Variants in HIVEP3 observed in about 807,000 individuals in gnomAD.
HIVEP3 encodes the protein HIVEP zinc finger 3.
A neutral mutation model predicts 152.8 loss-of-function variants in HIVEP3; 49 were observed. That is an observed-to-expected ratio of 0.32 (90% CI 0.26 to 0.41). The LOEUF (loss-of-function observed/expected upper bound fraction) is 0.41. HIVEP3 is among the 10% of genes least tolerant of loss of function. HIVEP3 has a pLI of 1.00. For missense variants in HIVEP3, 2,790 were observed against 3,103.3 expected, an observed-to-expected ratio of 0.90 and a Z score of 2.40; for synonymous variants, 1,269 against 1,289.0, an observed-to-expected ratio of 0.98 and a Z score of 0.33.
intron 5 of HIVEP3, among the ~76,000 whole-genome samples, chr1:41,568,848 C>A (rs1644209028): frequency 6.6e-6 from 1 of 152,180 alleles, no homozygotes; most frequent in African/African-American, 2.4e-5. Context: ...GTGTCCCTGC[C>A]CAAATCTCAT....
rs936661772 is a variant in HIVEP3, at chr1:41,512,864, T to A, written c.6357A>T (p.Leu2119=). 8.4e-6 allele frequency: 13 copies of A among 1,547,004 alleles called. No homozygotes were observed. In the Admixed American group the frequency reaches 1.3e-4, roughly 16 times the overall value. ...DPRVLFPPAP[L]PHKLLSRSPE... is the part of the protein sequence containing the mutation. ...GGCTTCTGCTGAGGAGCTTGTGAGG[T>A]AGAGGCGCGGGCGGGAAGAGAACCC... Residue 2119 remains leucine, a synonymous_variant, in exon 8 of 9, where the codon CTA becomes CTT. Transcript: ENST00000372583.
At chr1:42,004,283 A>G (rs747459706) in intron 1 of HIVEP3, among the ~76,000 whole-genome samples, 2 of 152,224 alleles carry the variant, frequency 1.3e-5, no homozygotes, top group Non-Finnish European at 2.9e-5. Flanking sequence ...AATATGTGGC[A>G]AAGACAGCAG....
At chr1:41,555,862 C>T (rs1221621927) in intron 5 of HIVEP3, among the ~76,000 whole-genome samples, 2 of 152,212 alleles carry the variant, frequency 1.3e-5, no homozygotes. Flanking sequence ...CTATGTACCC[C>T]ATATCAGTGA....
In HIVEP3 at chr1:41,650,563, GTTT is replaced by G. The variant is rs74511211; in HGVS notation, c.-720-21619_-720-21617del. Among the ~76,000 whole-genome samples the G allele has an allele frequency of 1.3e-3, 193 of 144,938 alleles. 2 individuals carry two copies. Among genetic ancestry groups the G allele is most frequent in the African/African-American group, 3.0e-3 (118 of 39,388 alleles). On this transcript the variant is annotated intron_variant, in intron 2 of 8. Transcript: ENST00000372583. ...TTGGGTTTTCTTTTTTGTTTTCTGGGTTTTTTTTTTTTTTTAATGAAGAGATAT... is the reference window on the plus strand; with the variant it reads ...TTGGGTTTTCTTTTTTGTTTTCTGGGTTTTTTTTTTTTAATGAAGAGATAT...
chr1:41,878,468 A>T (rs1333537288), intron 1 of HIVEP3, among the ~76,000 whole-genome samples: 2 of 152,222 alleles, frequency 1.3e-5, no homozygotes, highest in Admixed American at 6.5e-5. Flanking sequence ...TTTCATTAGC[A>T]TAAATCTGAA....
intron 1 of HIVEP3, among the ~76,000 whole-genome samples, chr1:41,707,987 C>T (rs530417509): frequency 3.3e-5 from 5 of 152,294 alleles, no homozygotes; most frequent in South Asian, 4.1e-4. Flanking sequence ...AGGGATGTTC[C>T]GGGGCTGACA....
chr1:41,753,998 G>C (rs2124229779), intron 1 of HIVEP3, among the ~76,000 whole-genome samples: 1 of 151,148 alleles, frequency 6.6e-6, no homozygotes, highest in East Asian at 1.9e-4. Flanking sequence ...GAGACTAGAG[G>C]GAAGGTGAGG....
intron 5 of HIVEP3, among the ~76,000 whole-genome samples, chr1:41,567,971 G>C (rs1644193063): frequency 1.3e-5 from 2 of 152,228 alleles, no homozygotes; most frequent in South Asian, 4.1e-4. Context: ...GATTCTAAGA[G>C]CTGCAGAGTT....
chr1:41,771,778 C>T (rs1048765424), intron 1 of HIVEP3, among the ~76,000 whole-genome samples: 1 of 152,146 alleles, frequency 6.6e-6, no homozygotes, highest in African/African-American at 2.4e-5. Flanking sequence ...AAGCGATTCT[C>T]CTCAGTCTCC....
chr1:41,986,409 C>G (rs906508784), intron 1 of HIVEP3, among the ~76,000 whole-genome samples: 1 of 150,278 alleles, frequency 6.7e-6, no homozygotes, highest in Non-Finnish European at 1.5e-5. Context: ...TACAGCTTTA[C>G]TGACATTACA....
chr1:41,704,156 A>G (rs1019616394), intron 1 of HIVEP3, among the ~76,000 whole-genome samples: 1 of 152,242 alleles, frequency 6.6e-6, no homozygotes, highest in Non-Finnish European at 1.5e-5. Flanking sequence ...CCACAGCCAC[A>G]GTAACAATGA....
intron 1 of HIVEP3, among the ~76,000 whole-genome samples, chr1:41,902,627 A>G (rs1355843075): frequency 6.6e-6 from 1 of 152,248 alleles, no homozygotes; most frequent in Non-Finnish European, 1.5e-5. Context: ...CTTTAGAAAC[A>G]GAGGCTACAG....
intron 1 of HIVEP3, among the ~76,000 whole-genome samples, chr1:42,026,650 G>A (rs1295633644): frequency 6.6e-6 from 1 of 152,070 alleles, no homozygotes; most frequent in South Asian, 2.1e-4. Flanking sequence ...TTTCAGATGA[G>A]CTGTTTTTAC....
At chr1:41,767,368 A>C (rs571365854) in intron 1 of HIVEP3, among the ~76,000 whole-genome samples, 30 of 152,290 alleles carry the variant, frequency 2.0e-4, no homozygotes, top group Non-Finnish European at 3.1e-4. Context: ...GGCGGGAGTG[A>C]ATTTTCCACA....
intron 1 of HIVEP3, among the ~76,000 whole-genome samples, chr1:41,976,997 C>T (rs550377916): frequency 1.3e-5 from 2 of 152,258 alleles, no homozygotes; most frequent in South Asian, 4.1e-4. Context: ...TTTGTTCTGG[C>T]ATCTGGGAGA....
chr1:41,911,371 T>C (rs1644793500), intron 1 of HIVEP3, among the ~76,000 whole-genome samples: 1 of 152,350 alleles, frequency 6.6e-6, no homozygotes, highest in East Asian at 1.9e-4. Context: ...TATAAAGTTT[T>C]TGCAAGATTA....
rs144683943 is a variant in HIVEP3, at chr1:41,624,444, T to C, written c.-522+4305A>G. On this transcript the variant is annotated intron_variant, in intron 3 of 8. Transcript: ENST00000372583. ...TAGCCAACAAGTGCTGCCGGTTTAA[T>C]TTGGTTTGTGCAGACCTCAGATGAA... Among the ~76,000 whole-genome samples the C allele has an allele frequency of 1.5e-3, 222 of 152,336 alleles. 1 individual carries two copies. Among genetic ancestry groups the C allele is most frequent in the African/African-American group, 5.1e-3 (213 of 41,582 alleles).
intron 1 of HIVEP3, among the ~76,000 whole-genome samples, chr1:41,955,457 T>C (rs760431797): frequency 6.6e-6 from 1 of 152,122 alleles, no homozygotes; most frequent in African/African-American, 2.4e-5. Flanking sequence ...AGGAAAGTAC[T>C]TTCACCAGAA....
chr1:41,584,452 C>G lies in HIVEP3; in HGVS notation c.346G>C (p.Gly116Arg). 1 of 1,614,086 alleles carries G rather than the reference C, an allele frequency of 6.2e-7. No individual in the cohort carries two copies. The highest frequency in any genetic ancestry group is 8.5e-7 in the Non-Finnish European group (1 of 1,180,020). The change falls in exon 4 of 9, where the codon GGG (glycine) becomes CGG (arginine). Residue 116 changes from glycine (G) to arginine (R), a missense_variant. Gly to Arg is a moderately radical substitution (Grantham distance 125). Transcript: ENST00000372583. This position sits in a 1 kb window ranked among gnomAD's most constrained non-coding sequence, Gnocchi z 5.2. The part of the protein sequence containing the change: ...SPGKPEHLLE[G>R]STWQLVDPMR... ...GGGTCAACCAGTTGCCATGTGGACCCCTCCAGGAGATGCTCAGGTTTGCCA... is the reference window on the plus strand; with the variant it reads ...GGGTCAACCAGTTGCCATGTGGACCGCTCCAGGAGATGCTCAGGTTTGCCA...
Sources: gnomAD v4.1 joint callset for allele counts (sites outside exome capture counted in the v4.1 genomes callset) on GRCh38, gnomAD v4.1.1 for gene constraint, Gnocchi (gnomAD v3.1) non-coding constraint, MANE v1.5 for transcripts, NCBI Gene and HGNC (gene_info 2026-07-23, HGNC 2026-07-21) for gene names.